The following MSRA variants were observed in gnomAD, a reference collection of about 807,000 sequenced individuals.
The protein encoded by MSRA is methionine sulfoxide reductase A.
MSRA carries 54 observed loss-of-function variants against 31.3 expected under a neutral mutation model. The ratio of observed to expected loss-of-function variants is 1.73; its 90% CI spans 1.39 to 2.17. The LOEUF (loss-of-function observed/expected upper bound fraction) is 2.17, where lower values mean the gene tolerates loss of function less well. MSRA is among the 30% of genes most tolerant of loss of function. The pLI, the probability that MSRA is intolerant of heterozygous loss-of-function variation, is 0.00. For synonymous variants in MSRA, 169 were observed against 116.5 expected (o/e 1.45, Z -2.90); for missense variants, 507 against 300.9 (o/e 1.69, Z -5.07).
At chr8:10,263,797 A>C (rs1798603641) in intron 3 of MSRA, among the ~76,000 whole-genome samples, 1 of 152,220 alleles carries the variant, frequency 6.6e-6, no homozygotes, top group South Asian at 2.1e-4. Context: ...AGATCTTCAC[A>C]GTGTGATTTC....
chr8:10,209,885 A>G lies in MSRA; in HGVS notation c.211+1984A>G, dbSNP rs376192119. On this transcript the variant is annotated intron_variant, in intron 2 of 5. Transcript: ENST00000317173. ...AACAACATATAAGAAGCAGAATTCT[A>G]CAGATGATAAAGTAGAATATGTTTG... is the stretch of plus-strand genomic sequence containing the variant. Among the ~76,000 whole-genome samples, 64 of 152,382 alleles carry G rather than the reference A, an allele frequency of 4.2e-4. 1 individual carries two copies. The South Asian group carries it at 0.012, about 29-fold the overall frequency.
intron 2 of MSRA, among the ~76,000 whole-genome samples, chr8:10,223,746 T>G (rs1281340949): frequency 1.3e-5 from 2 of 152,100 alleles, no homozygotes; most frequent in Non-Finnish European, 2.9e-5. Context: ...GTAGTTAAGA[T>G]GAATGCCAAA....
intron 5 of MSRA, among the ~76,000 whole-genome samples, chr8:10,329,179 A>G (rs1020114748): frequency 1.1e-4 from 16 of 152,318 alleles, no homozygotes; most frequent in Admixed American, 1.0e-3. Context: ...ATAACAAATT[A>G]CCACAAACTG....
intron 1 of MSRA, among the ~76,000 whole-genome samples, chr8:10,150,300 A>G (rs184890092): frequency 6.6e-6 from 1 of 152,290 alleles, no homozygotes; most frequent in East Asian, 1.9e-4. Flanking sequence ...GGCTCTGAGC[A>G]GAGACCAACA....
chr8:10,146,490 C>T (rs936727027), intron 1 of MSRA, among the ~76,000 whole-genome samples: 4 of 152,092 alleles, frequency 2.6e-5, no homozygotes, highest in African/African-American at 9.7e-5. Context: ...ACACAGGAAG[C>T]AGGTGAGTGG....
intron 1 of MSRA, among the ~76,000 whole-genome samples, chr8:10,076,305 G>A (rs1229554405): frequency 6.6e-6 from 1 of 152,190 alleles, no homozygotes; most frequent in African/African-American, 2.4e-5. Flanking sequence ...TTTTGTAAGA[G>A]TGACTGATGG....
chr8:10,133,799 T>G (rs574293542), intron 1 of MSRA, among the ~76,000 whole-genome samples: 1 of 152,214 alleles, frequency 6.6e-6, no homozygotes, highest in South Asian at 2.1e-4. Flanking sequence ...TCAGTTTAGC[T>G]CTTTGGATCC....
At chr8:10,364,455 G>C (rs1381681285) in intron 5 of MSRA, among the ~76,000 whole-genome samples, 1 of 152,164 alleles carries the variant, frequency 6.6e-6, no homozygotes, top group African/African-American at 2.4e-5. Flanking sequence ...CACTTTCAGT[G>C]CCCAAGGAAG....
At chr8:10,233,632 T>C (rs1280133791) in intron 2 of MSRA, among the ~76,000 whole-genome samples, 1 of 152,178 alleles carries the variant, frequency 6.6e-6, no homozygotes, top group African/African-American at 2.4e-5. Context: ...CTGATGCACA[T>C]AGAGCAGGAA....
intron 5 of MSRA, among the ~76,000 whole-genome samples, chr8:10,395,744 A>G (rs1336206612): frequency 6.6e-6 from 1 of 152,178 alleles, no homozygotes; most frequent in Non-Finnish European, 1.5e-5. Flanking sequence ...AGCACCAGAC[A>G]CTGGGAAACC....
At chr8:10,225,704 T>A (rs1342157083) in intron 2 of MSRA, among the ~76,000 whole-genome samples, 1 of 152,160 alleles carries the variant, frequency 6.6e-6, no homozygotes, top group African/African-American at 2.4e-5. Flanking sequence ...GCTCTCGTTT[T>A]GATGTAGATG....
intron 1 of MSRA, among the ~76,000 whole-genome samples, chr8:10,107,888 C>A (rs1003490735): frequency 1.3e-5 from 2 of 152,106 alleles, no homozygotes; most frequent in Non-Finnish European, 2.9e-5. Flanking sequence ...TTAAAGACCT[C>A]CAGAGAGAGC....
intron 5 of MSRA, among the ~76,000 whole-genome samples, chr8:10,399,750 T>C (rs1320638306): frequency 6.6e-6 from 1 of 152,084 alleles, no homozygotes; most frequent in Non-Finnish European, 1.5e-5. Flanking sequence ...TAGCGCTACA[T>C]AGGAGGGTGC....
intron 5 of MSRA, among the ~76,000 whole-genome samples, chr8:10,426,369 C>T (rs779774956): frequency 9.8e-5 from 15 of 152,316 alleles, no homozygotes; most frequent in Non-Finnish European, 1.9e-4. Flanking sequence ...CAGGGAAAAG[C>T]ACCCCAAGAT....
chr8:10,094,888 C>G, intron 1 of MSRA, among the ~76,000 whole-genome samples: 1 of 152,136 alleles, frequency 6.6e-6, no homozygotes, highest in Admixed American at 6.5e-5. Context: ...TTAAATTGAC[C>G]TTAGATGTTT....
intron 1 of MSRA, among the ~76,000 whole-genome samples, chr8:10,055,112 T>C (rs1475571120): frequency 6.6e-6 from 1 of 152,154 alleles, no homozygotes; most frequent in Non-Finnish European, 1.5e-5. Flanking sequence ...AATGCCGGAA[T>C]GAGACGAGAC....
chr8:10,066,743 C>G (rs201375099), intron 1 of MSRA, among the ~76,000 whole-genome samples: 3 of 152,058 alleles, frequency 2.0e-5, no homozygotes, highest in Admixed American at 6.6e-5. Flanking sequence ...CCATGTTGGC[C>G]GGGCTGGTCT....
chr8:10,085,882 G>C (rs1798535862), intron 1 of MSRA, among the ~76,000 whole-genome samples: 1 of 152,206 alleles, frequency 6.6e-6, no homozygotes, highest in Non-Finnish European at 1.5e-5. Flanking sequence ...ACCTAGCATA[G>C]TGTTCCTGTG....
chr8:10,353,737 G>C (rs760937707), intron 5 of MSRA: 14 of 438,658 alleles, frequency 3.2e-5, no homozygotes, highest in Non-Finnish European at 5.0e-5. Flanking sequence ...TCTACGTCCT[G>C]AGATACCCAG....
Sources: gnomAD v4.1 joint callset for allele counts (sites outside exome capture counted in the v4.1 genomes callset) on GRCh38, gnomAD v4.1.1 for gene constraint, MANE v1.5 for transcripts, NCBI Gene and HGNC (gene_info 2026-07-23, HGNC 2026-07-21) for gene names.